Variants in PATJ observed in about 807,000 individuals in gnomAD.
The protein encoded by PATJ is PATJ crumbs cell polarity complex component, also known as inaD-like protein.
PATJ carries 190 observed loss-of-function variants against 224.9 expected under a neutral mutation model. That is an observed-to-expected ratio of 0.84 (90% confidence interval 0.75 to 0.95). PATJ has a LOEUF of 0.95. Ranked by LOEUF, PATJ falls within the 40% of genes least tolerant of loss-of-function variation. PATJ has a pLI of 0.00. For missense variants in PATJ, 2,121 were observed against 2,270.3 expected (o/e 0.93, Z 1.34); for synonymous variants, 769 against 820.3 (o/e 0.94, Z 1.07).
intron 32 of PATJ, among the ~76,000 whole-genome samples, chr1:62,079,935 G>A (rs1004033161): frequency 8.6e-5 from 13 of 151,796 alleles, no homozygotes; most frequent in Non-Finnish European, 1.3e-4. Flanking sequence ...GGCTGAGGCA[G>A]GAGAATCGCC....
In PATJ at chr1:62,161,140, C is replaced by G; in HGVS notation, c.*86C>G. ...TCTGAGTGGGTATGAAAAGCACCCT[C>G]AACTAAAATGCACCTTCATTCTTAT... On this transcript the variant is annotated 3_prime_UTR_variant, in exon 44 of 44. Coordinates refer to ENST00000642238, the MANE Select transcript of PATJ (RefSeq NM_001350145.3). The G allele has an allele frequency of 1.9e-6, 2 of 1,063,846 alleles. No individual in the cohort carries two copies. The highest frequency in any genetic ancestry group is 2.5e-6 in the Non-Finnish European group (2 of 805,558). 65.9% of individuals were successfully genotyped at this position (1,063,846 alleles called of 1,614,324 possible).
chr1:61,787,200 C>T (rs1244945316), intron 7 of PATJ, among the ~76,000 whole-genome samples: 1 of 152,142 alleles, frequency 6.6e-6, no homozygotes, highest in East Asian at 1.9e-4. Context: ...TAATGTCACT[C>T]CTCTGTTTCA....
At chr1:62,068,233 G>C (rs1475723701) in intron 31 of PATJ, among the ~76,000 whole-genome samples, 2 of 152,218 alleles carry the variant, frequency 1.3e-5, no homozygotes, top group Non-Finnish European at 2.9e-5. Flanking sequence ...TTCAATTAGG[G>C]ATCTCTTTGT....
chr1:62,049,079 T>C (rs1280272139), intron 30 of PATJ, among the ~76,000 whole-genome samples: 1 of 152,116 alleles, frequency 6.6e-6, no homozygotes, highest in Non-Finnish European at 1.5e-5. Context: ...TGCTGCTTGC[T>C]TTCTTTAATT....
chr1:61,899,622 T>G lies in PATJ; in HGVS notation c.3171T>G (p.Thr1057=). ...PEREEGEGEE[T]PNFSHWGPPR... The stretch of plus-strand genomic sequence containing the variant: ...GAGAAGAAGGCGAAGGAGAAGAAAC[T>G]CCAAATTTTAGCCACTGGGGTCCAC... Residue 1057 remains threonine (T), a synonymous_variant, in exon 23 of 44, where the codon ACT becomes ACG. Transcript: ENST00000642238. 2.5e-6 allele frequency: 4 copies of G among 1,611,792 alleles called. No homozygotes were observed. Among genetic ancestry groups the G allele is most frequent in the Non-Finnish European group, 3.4e-6 (4 of 1,179,188 alleles).
intron 22 of PATJ, among the ~76,000 whole-genome samples, chr1:61,893,889 C>T (rs2498988): frequency 0.24 from 35,768 of 149,194 alleles, 4,889 homozygotes; most frequent in African/African-American, 0.38. Flanking sequence ...ATTTGGGGTA[C>T]AGGAAGGTGG....
intron 27 of PATJ, among the ~76,000 whole-genome samples, chr1:61,980,528 G>A (rs928193892): frequency 2.3e-4 from 34 of 150,514 alleles, no homozygotes; most frequent in Admixed American, 1.9e-3. Flanking sequence ...TGGTGTTTTT[G>A]TTTCTTAATT....
At position 61,856,217 on chromosome 1, in the gene PATJ, T is replaced by C. The variant is rs1472540632; in HGVS notation, c.2300T>C (p.Leu767Pro). Residue 767 changes from leucine to proline, a missense_variant, in exon 18 of 44, where the codon CTT (leucine) becomes CCT (proline). Leu to Pro is a moderately conservative substitution (Grantham distance 98). Coordinates refer to ENST00000642238, the MANE Select transcript of PATJ (RefSeq NM_001350145.3). ...GCTGTGCCACCAGGCCTAGTACACC[T>C]TGGCATCTGTAAGCCTTTGGTGGTA... The part of the protein sequence containing the change: ...LKAVPPGLVH[L>P]GICKPLVEDN... The C allele has an allele frequency of 1.2e-6, 2 of 1,614,010 alleles. No individual in the cohort carries two copies. Among genetic ancestry groups the C allele is most frequent in the Admixed American group, 3.3e-5 (2 of 60,024 alleles).
At chr1:61,828,386 G>T (rs1557718182) in intron 16 of PATJ, among the ~76,000 whole-genome samples, 2 of 146,626 alleles carry the variant, frequency 1.4e-5, no homozygotes, top group Admixed American at 1.4e-4. Flanking sequence ...AAAGAGCACT[G>T]TTACTATGAA....
intron 26 of PATJ, among the ~76,000 whole-genome samples, chr1:61,918,521 G>A (rs1176200527): frequency 1.3e-5 from 2 of 151,730 alleles, no homozygotes; most frequent in Non-Finnish European, 2.9e-5. Context: ...GTGTTGCCCA[G>A]GCTGGTCTTG....
At chr1:61,997,997 T>TATATATATATATATATATATAA (rs1228165601) in intron 28 of PATJ, among the ~76,000 whole-genome samples, 1 of 110,972 alleles carries the variant, frequency 9.0e-6, no homozygotes, top group Non-Finnish European at 1.8e-5. Context: ...TATGTATATA[T>TATATATATATATATATATATAA]AATATATTAT....
intron 33 of PATJ, among the ~76,000 whole-genome samples, chr1:62,088,440 C>T (rs1660308197): frequency 6.6e-6 from 1 of 152,112 alleles, no homozygotes; most frequent in South Asian, 2.1e-4. Flanking sequence ...TCCTCTAAGC[C>T]ACTCTTCCCA....
In PATJ at chr1:61,815,211, C is replaced by A. The variant is rs538438682; in HGVS notation, c.1683+6681C>A. On this transcript the variant is annotated intron_variant, in intron 14 of 43. Coordinates refer to ENST00000642238, the MANE Select transcript of PATJ (RefSeq NM_001350145.3). ...AAGAGAAGCAGCAAGTACAGTGGCT[C>A]TGCTGTGGGAAAGGGCTTGTGTGTT... 1.9e-3 allele frequency among the ~76,000 whole-genome samples: 288 copies of A among 152,276 alleles called. 2 individuals are homozygous for A. Among genetic ancestry groups the A allele is most frequent in the African/African-American group, 6.7e-3 (277 of 41,564 alleles).
At chr1:61,946,750 C>G (rs1228485332) in intron 27 of PATJ, among the ~76,000 whole-genome samples, 2 of 152,082 alleles carry the variant, frequency 1.3e-5, no homozygotes, top group Non-Finnish European at 2.9e-5. Context: ...CAAAGCCTGG[C>G]AGAGACACAA....
intron 27 of PATJ, among the ~76,000 whole-genome samples, chr1:61,942,065 T>C (rs1677899308): frequency 6.6e-6 from 1 of 152,200 alleles, no homozygotes; most frequent in Non-Finnish European, 1.5e-5. Flanking sequence ...TTTGGCCTTC[T>C]GGAGGTCAAA....
At chr1:61,801,029 G>T (rs527647141) in intron 11 of PATJ, among the ~76,000 whole-genome samples, 12 of 152,080 alleles carry the variant, frequency 7.9e-5, no homozygotes, top group African/African-American at 1.7e-4. Context: ...GGATAATGCC[G>T]CAATAAACAT....
At chr1:61,846,628 A>T (rs1662002636) in intron 17 of PATJ, among the ~76,000 whole-genome samples, 1 of 152,128 alleles carries the variant, frequency 6.6e-6, no homozygotes, top group Non-Finnish European at 1.5e-5. Flanking sequence ...AGGGATTCTC[A>T]TTCTGTTGCC....
chr1:62,040,655 G>A (rs976143387), intron 30 of PATJ, among the ~76,000 whole-genome samples: 2 of 152,008 alleles, frequency 1.3e-5, no homozygotes, highest in African/African-American at 4.8e-5. Context: ...ATGGCTGGAA[G>A]CGTCTTAGAA....
At chr1:61,788,881 T>C (rs963435690) in intron 8 of PATJ, among the ~76,000 whole-genome samples, 2 of 152,004 alleles carry the variant, frequency 1.3e-5, no homozygotes, top group Admixed American at 6.6e-5. Context: ...TCCATGTTGG[T>C]CAGGCTGGTC....
Sources: allele counts gnomAD v4.1 joint callset (sites outside exome capture counted in the v4.1 genomes callset), GRCh38; gene constraint gnomAD v4.1.1; transcripts MANE v1.5; gene names NCBI Gene and HGNC (gene_info 2026-07-23, HGNC 2026-07-21).